TVP23A: variants seen among roughly 807,000 people sequenced by gnomAD.
TVP23A encodes trans-golgi network vesicle protein 23 homolog A.
A neutral mutation model predicts 31.7 loss-of-function variants in TVP23A; 21 were observed. The observed-to-expected ratio is 0.66, with a 90% CI of 0.47 to 0.95. The LOEUF (loss-of-function observed/expected upper bound fraction) is 0.95, where lower values mean the gene tolerates loss of function less well. Among genes scored for constraint, TVP23A ranks in the 40% least tolerant of loss-of-function variants. The probability of loss-of-function intolerance (pLI) is 0.00; values close to 1 mark genes in which losing one functional copy is unlikely to be tolerated. For synonymous variants in TVP23A, 104 were observed against 96.0 expected (o/e 1.08, Z -0.49); for missense variants, 279 against 255.6 (o/e 1.09, Z -0.62).
chr16:10,805,746 G>A (rs1239239240), intron 2 of TVP23A, among the ~76,000 whole-genome samples: 1 of 151,664 alleles, frequency 6.6e-6, no homozygotes, highest in African/African-American at 2.4e-5. Context: ...TAAGTAAAAT[G>A]TCAGCTCCAG....
intron 2 of TVP23A, among the ~76,000 whole-genome samples, chr16:10,802,641 G>A (rs893534239): frequency 4.6e-5 from 7 of 151,996 alleles, no homozygotes; most frequent in Admixed American, 1.3e-4. Flanking sequence ...CTACCTTCCC[G>A]TAAGTCTGAT....
At chr16:10,774,632 C>CA (rs1368621920) in intron 3 of TVP23A, among the ~76,000 whole-genome samples, 2 of 138,108 alleles carry the variant, frequency 1.4e-5, no homozygotes, top group Non-Finnish European at 3.1e-5. Flanking sequence ...TTTTCCGAGA[C>CA]AGAGTTTGAC....
chr16:10,797,079 C>G (rs1032149792), intron 2 of TVP23A, among the ~76,000 whole-genome samples: 1 of 150,544 alleles, frequency 6.6e-6, no homozygotes, highest in African/African-American at 2.5e-5. Flanking sequence ...GTCTCAGCTA[C>G]TCAGGAGGCT....
In TVP23A at chr16:10,818,688, C is replaced by A. The variant is rs2034556086; in HGVS notation, c.-195G>T. 5.0e-6 allele frequency: 3 copies of A among 595,858 alleles called. No individual in the cohort carries two copies. Among genetic ancestry groups the A allele is most frequent in the Non-Finnish European group, 8.0e-6 (3 of 373,294 alleles). The allele number at this position is 595,858 out of a possible 1,614,324, so 36.9% of individuals were successfully genotyped here. A position where few individuals can be genotyped will look rare whatever the true frequency, so the allele number is the denominator to read the frequency against. On this transcript the variant is annotated 5_prime_UTR_variant, in exon 1 of 8. Coordinates refer to ENST00000299866, the MANE Select transcript of TVP23A (RefSeq NM_001079512.4). The surrounding 1 kb of genome is among the most constrained non-coding windows in gnomAD (Gnocchi z 4.7). The stretch of plus-strand genomic sequence containing the variant: ...GGGCGCTCGGGGCCTAAGGCGCAGT[C>A]GCAGGCTGGGGAGGGGGCTCGGCTC...
chr16:10,763,103 G>C (rs1043718671), downstream of TVP23A, among the ~76,000 whole-genome samples: 1 of 152,136 alleles, frequency 6.6e-6, no homozygotes, highest in African/African-American at 2.4e-5. Flanking sequence ...TCACCTGGAG[G>C]AGGGTCCGTC....
At position 10,818,699 on chromosome 16, in the gene TVP23A, G is replaced by C. The variant is rs182634676; in HGVS notation, c.-206C>G. 1.7e-3 allele frequency: 958 copies of C among 559,114 alleles called. 7 individuals are homozygous for C. Among genetic ancestry groups the C allele is most frequent in the African/African-American group, 0.017 (835 of 49,840 alleles). 34.6% of individuals were successfully genotyped at this position (559,114 alleles called of 1,614,324 possible). On this transcript the variant is annotated 5_prime_UTR_variant, in exon 1 of 8. Transcript: ENST00000299866. The surrounding 1 kb of genome is among the most constrained non-coding windows in gnomAD (Gnocchi z 4.7). ...GCCTAAGGCGCAGTCGCAGGCTGGG[G>C]AGGGGGCTCGGCTCGCCGGGGACGC...
chr16:10,789,268 A>C (rs2032953569), intron 2 of TVP23A, among the ~76,000 whole-genome samples: 1 of 152,196 alleles, frequency 6.6e-6, no homozygotes. Context: ...GCACCTGGAA[A>C]GGGAAGGGGG....
downstream of TVP23A, among the ~76,000 whole-genome samples, chr16:10,758,269 G>C (rs985166574): frequency 6.6e-6 from 1 of 152,124 alleles, no homozygotes; most frequent in African/African-American, 2.4e-5. Context: ...CCACGAGTTC[G>C]GGACCAGCCT....
Position 10,790,274 on chromosome 16 carries a change from G to T in TVP23A, c.90-15178C>A, listed in dbSNP as rs535151306. On this transcript the variant is annotated intron_variant, in intron 2 of 7. Coordinates refer to ENST00000299866, the MANE Select transcript of TVP23A (RefSeq NM_001079512.4). ...ATATGACAAAGAAACATGTCTTGGGGTAAAATTTTTTTTTTTTTTTTTTTT... is the reference window on the plus strand; with the variant it reads ...ATATGACAAAGAAACATGTCTTGGGTTAAAATTTTTTTTTTTTTTTTTTTT... Among the ~76,000 whole-genome samples the T allele has an allele frequency of 3.8e-4, 55 of 145,788 alleles. 1 individual carries two copies. The East Asian group carries it at 0.011, about 29-fold the overall frequency.
At chr16:10,815,193 T>C (rs531636569) in intron 2 of TVP23A, among the ~76,000 whole-genome samples, 1 of 151,896 alleles carries the variant, frequency 6.6e-6, no homozygotes, top group African/African-American at 2.4e-5. Context: ...ATCAGGAGTT[T>C]GAGACCAGCC....
rs1319346577 is a variant in TVP23A at position 10,768,816 on chromosome 16, C to G, written c.*286G>C. 6.8e-6 allele frequency: 3 copies of G among 443,150 alleles called. No individual in the cohort carries two copies. The highest frequency in any genetic ancestry group is 6.1e-5 in the African/African-American group (3 of 49,232). The allele number at this position is 443,150 out of a possible 1,614,324, so 27.5% of individuals were successfully genotyped here. ...AAGGAAACAGCATTCCCAGAATCCT[C>G]CATCTATAGATGGTCCGAGGAAGGC... On this transcript the variant is annotated 3_prime_UTR_variant, in exon 8 of 8. Coordinates refer to ENST00000299866, the MANE Select transcript of TVP23A (RefSeq NM_001079512.4). This position sits in a 1 kb window ranked among gnomAD's most constrained non-coding sequence, Gnocchi z 4.3.
At chr16:10,794,401 C>G (rs955340148) in intron 2 of TVP23A, among the ~76,000 whole-genome samples, 3 of 152,112 alleles carry the variant, frequency 2.0e-5, no homozygotes, top group African/African-American at 7.2e-5. Flanking sequence ...TCCAGTATGA[C>G]CTCATGTTAA....
downstream of TVP23A, among the ~76,000 whole-genome samples, chr16:10,762,765 G>C (rs558724573): frequency 1.3e-5 from 2 of 152,262 alleles, no homozygotes; most frequent in South Asian, 4.1e-4. Flanking sequence ...GGAGAGAGGG[G>C]CCGGGCGGGT....
At position 10,767,329 on chromosome 16, in the gene TVP23A, A is replaced by G; in HGVS notation, c.*1773T>C. 3 of 399,700 alleles carry G rather than the reference A, an allele frequency of 7.5e-6. No homozygotes were observed. The highest frequency in any genetic ancestry group is 1.3e-5 in the Non-Finnish European group (3 of 226,908). 24.8% of individuals were successfully genotyped at this position (399,700 alleles called of 1,614,324 possible). A position where few individuals can be genotyped will look rare whatever the true frequency, so the allele number is the denominator to read the frequency against. ...GGTGTGCATAGGAGGGGACTGGAAC[A>G]ATGGCCACATGGCGGGGAAAGACTA... On this transcript the variant is annotated 3_prime_UTR_variant, in exon 8 of 8. Transcript: ENST00000299866. This position sits in a 1 kb window ranked among gnomAD's most constrained non-coding sequence, Gnocchi z 4.6.
At chr16:10,769,150 C>A in intron 7 of TVP23A, 49 bp from the exon 8 acceptor site, 1 of 1,573,928 alleles carries the variant, frequency 6.4e-7, no homozygotes. Flanking sequence ...GCGAGGCACT[C>A]ACTGGGCAGC....
chr16:10,796,717 C>T (rs963707081), intron 2 of TVP23A, among the ~76,000 whole-genome samples: 5 of 152,118 alleles, frequency 3.3e-5, no homozygotes, highest in Admixed American at 6.6e-5. Flanking sequence ...GGATTACAGG[C>T]GTGAGCCACC....
At chr16:10,805,821 G>T (rs755915564) in intron 2 of TVP23A, among the ~76,000 whole-genome samples, 24 of 151,846 alleles carry the variant, frequency 1.6e-4, no homozygotes, top group Non-Finnish European at 2.6e-4. Flanking sequence ...GGCACACAAA[G>T]GTCCTTGAAA....
intron 7 of TVP23A, 67 bp downstream of exon 7, chr16:10,770,205 G>A: frequency 6.5e-7 from 1 of 1,537,322 alleles, no homozygotes; most frequent in Admixed American, 2.0e-5. Flanking sequence ...GGGCCCCTGT[G>A]CCCCAAGAGC....
chr16:10,786,407 C>G (rs2032754394), intron 2 of TVP23A, among the ~76,000 whole-genome samples: 1 of 151,994 alleles, frequency 6.6e-6, no homozygotes, highest in Admixed American at 6.6e-5. Context: ...CCACTGCACT[C>G]CAGCCTGGGG....
Sources: allele counts gnomAD v4.1 joint callset (sites outside exome capture counted in the v4.1 genomes callset), GRCh38; gene constraint gnomAD v4.1.1; non-coding constraint Gnocchi (gnomAD v3.1); transcripts MANE v1.5; gene names NCBI Gene and HGNC (gene_info 2026-07-23, HGNC 2026-07-21).